Variants in GAB2 observed in about 807,000 individuals in gnomAD.
GAB2 encodes the protein GRB2-associated-binding protein 2.
In GAB2, 26 loss-of-function variants were observed where a neutral mutation model predicts 65.5. The ratio of observed to expected loss-of-function variants is 0.40; its 90% CI spans 0.29 to 0.55. GAB2 has a LOEUF of 0.55. Ranked by LOEUF, GAB2 falls within the 20% of genes least tolerant of loss-of-function variation. The pLI, the probability that GAB2 is intolerant of heterozygous loss-of-function variation, is 0.53. For synonymous variants in GAB2, 321 were observed against 329.6 expected (o/e 0.97, Z 0.28); for missense variants, 884 against 875.8 (o/e 1.01, Z -0.12).
chr11:78,351,265 T>C (rs1856273734), intron 1 of GAB2, among the ~76,000 whole-genome samples: 1 of 152,164 alleles, frequency 6.6e-6, no homozygotes, highest in African/African-American at 2.4e-5. Flanking sequence ...TTTTTTTTTT[T>C]TAATAAGTGG....
At chr11:78,323,723 A>G (rs1335142609) in intron 1 of GAB2, among the ~76,000 whole-genome samples, 1 of 151,046 alleles carries the variant, frequency 6.6e-6, no homozygotes, top group Non-Finnish European at 1.5e-5. Flanking sequence ...GATCAATAGA[A>G]GCCCACACCT....
chr11:78,262,691 T>C (rs1366539424), intron 2 of GAB2, among the ~76,000 whole-genome samples: 1 of 152,222 alleles, frequency 6.6e-6, no homozygotes, highest in Non-Finnish European at 1.5e-5. Context: ...CTCCCAGACT[T>C]GTGTCTTGTT....
intron 1 of GAB2, among the ~76,000 whole-genome samples, chr11:78,412,778 G>A (rs1857145640): frequency 6.6e-6 from 1 of 152,094 alleles, no homozygotes; most frequent in African/African-American, 2.4e-5. Context: ...GATGACTTTG[G>A]GTAAGTTGCT....
chr11:78,244,400 GA>G (rs1203478600), intron 3 of GAB2, among the ~76,000 whole-genome samples: 59 of 141,836 alleles, frequency 4.2e-4, no homozygotes, highest in African/African-American at 1.2e-3. Context: ...TCAAAAGAAA[GA>G]AAAAAAAAAG....
At chr11:78,310,234 G>C (rs868018934) in intron 1 of GAB2, among the ~76,000 whole-genome samples, 11 of 151,938 alleles carry the variant, frequency 7.2e-5, no homozygotes, top group Admixed American at 1.3e-4. Context: ...CGGGTGCGGT[G>C]GCTCACGCCT....
At chr11:78,415,805 CAT>C (rs1321458522) in intron 1 of GAB2, among the ~76,000 whole-genome samples, 1 of 152,186 alleles carries the variant, frequency 6.6e-6, no homozygotes, top group Non-Finnish European at 1.5e-5. Context: ...AGAAATGGGT[CAT>C]AGAGTCTGGG....
At chr11:78,377,356 G>A (rs1300412203) in intron 1 of GAB2, among the ~76,000 whole-genome samples, 2 of 152,126 alleles carry the variant, frequency 1.3e-5, no homozygotes, top group South Asian at 2.1e-4. Flanking sequence ...AAGGCGACTG[G>A]ATGGAAGTTC....
chr11:78,350,885 A>C (rs2134704158), intron 1 of GAB2, among the ~76,000 whole-genome samples: 1 of 152,370 alleles, frequency 6.6e-6, no homozygotes, highest in South Asian at 2.1e-4. Context: ...TTGGAAAATA[A>C]AAATTCCCTA....
intron 2 of GAB2, among the ~76,000 whole-genome samples, chr11:78,264,289 C>T (rs1865814575): frequency 6.6e-6 from 1 of 151,314 alleles, no homozygotes; most frequent in African/African-American, 2.4e-5. Context: ...TTAATTTATC[C>T]CAGTAATGTT....
intron 1 of GAB2, among the ~76,000 whole-genome samples, chr11:78,301,079 T>C (rs1867005339): frequency 6.6e-6 from 1 of 152,194 alleles, no homozygotes; most frequent in African/African-American, 2.4e-5. Context: ...TATCTTCTTT[T>C]GTGATAGGTC....
intron 1 of GAB2, among the ~76,000 whole-genome samples, chr11:78,282,888 C>T (rs867446771): frequency 6.6e-5 from 10 of 152,186 alleles, no homozygotes; most frequent in Non-Finnish European, 7.3e-5. Context: ...TCTATTTCTG[C>T]GATCCATTAT....
At chr11:78,364,460 T>C (rs1856472369) in intron 1 of GAB2, among the ~76,000 whole-genome samples, 1 of 152,234 alleles carries the variant, frequency 6.6e-6, no homozygotes, top group Admixed American at 6.5e-5. Flanking sequence ...AAAGTTTCAA[T>C]AAATATCCTT....
At chr11:78,397,066 A>G (rs1405325101) in intron 1 of GAB2, among the ~76,000 whole-genome samples, 1 of 152,242 alleles carries the variant, frequency 6.6e-6, no homozygotes, top group East Asian at 1.9e-4. Flanking sequence ...CTATTTATTA[A>G]TATTATTTTT....
chr11:78,355,666 G>T (rs1016354164), intron 1 of GAB2, among the ~76,000 whole-genome samples: 1 of 99,768 alleles, frequency 1.0e-5, no homozygotes, highest in African/African-American at 5.2e-5. Flanking sequence ...AACAGAGAGA[G>T]ACCCTGTCTC....
At chr11:78,230,307 A>G (rs1489698558) in intron 3 of GAB2, among the ~76,000 whole-genome samples, 1 of 152,020 alleles carries the variant, frequency 6.6e-6, no homozygotes, top group East Asian at 1.9e-4. Flanking sequence ...TCACAGAACT[A>G]CTCACTCATC....
At chr11:78,385,510 A>G (rs758418224) in intron 1 of GAB2, among the ~76,000 whole-genome samples, 14 of 152,208 alleles carry the variant, frequency 9.2e-5, no homozygotes, top group Non-Finnish European at 1.6e-4. Flanking sequence ...TATGACACAA[A>G]TCTACAAACA....
At chr11:78,398,479 C>T (rs1389433303) in intron 1 of GAB2, among the ~76,000 whole-genome samples, 1 of 152,032 alleles carries the variant, frequency 6.6e-6, no homozygotes, top group African/African-American at 2.4e-5. Flanking sequence ...AGCAAAGAAA[C>T]AGAAAAACAG....
chr11:78,411,171 T>C (rs1236897964), intron 1 of GAB2, among the ~76,000 whole-genome samples: 6 of 139,170 alleles, frequency 4.3e-5, no homozygotes, highest in Admixed American at 2.8e-4. Flanking sequence ...GGGGGGGGGA[T>C]GGTGGAAGGA....
At chr11:78,361,297 T>C (rs921814544) in intron 1 of GAB2, among the ~76,000 whole-genome samples, 3 of 152,016 alleles carry the variant, frequency 2.0e-5, no homozygotes, top group Non-Finnish European at 2.9e-5. Context: ...AGAGGGAAAG[T>C]CTATTACCTA....
Sources: gnomAD v4.1 joint callset for allele counts (sites outside exome capture counted in the v4.1 genomes callset) on GRCh38, gnomAD v4.1.1 for gene constraint, MANE v1.5 for transcripts, NCBI Gene and HGNC (gene_info 2026-07-23, HGNC 2026-07-21) for gene names.